The following PRDM16 variants were observed in gnomAD, a reference collection of about 807,000 sequenced individuals.
PRDM16 encodes the protein PR/SET domain 16, also known as histone-lysine N-methyltransferase PRDM16.
A neutral mutation model predicts 110.6 loss-of-function variants in PRDM16; 23 were observed. The ratio of observed to expected loss-of-function variants is 0.21; its 90% CI spans 0.15 to 0.29. The LOEUF (loss-of-function observed/expected upper bound fraction) is 0.29. PRDM16 is among the 10% of genes least tolerant of loss of function. The pLI is 1.00. For synonymous variants in PRDM16, 799 were observed against 781.8 expected, an observed-to-expected ratio of 1.02 and a Z score of -0.37; for missense variants, 1,615 against 1,794.3, an observed-to-expected ratio of 0.90 and a Z score of 1.81.
Position 3,434,600 on chromosome 1 carries a change from G to C in PRDM16, c.*789G>C, listed in dbSNP as rs114972083. The C allele has an allele frequency of 1.3e-5, 3 of 232,094 alleles. No individual in the cohort carries two copies. The highest frequency in any genetic ancestry group is 2.6e-5 in the Non-Finnish European group (3 of 117,370). The allele number at this position is 232,094 out of a possible 1,614,324, so 14.4% of individuals were successfully genotyped here. A position where few individuals can be genotyped will look rare whatever the true frequency, so the allele number is the denominator to read the frequency against. On this transcript the variant is annotated 3_prime_UTR_variant, in exon 17 of 17. Transcript: ENST00000270722. Reference sequence around the variant, plus strand: ...GCAGGGCGCCCTGGGCTGCAGGCCTGCCCGAGGCTGGGATGGGAAGTGTGC... The same window carrying C: ...GCAGGGCGCCCTGGGCTGCAGGCCTCCCCGAGGCTGGGATGGGAAGTGTGC...
At chr1:3,177,608 C>T (rs1263861155) in intron 1 of PRDM16, among the ~76,000 whole-genome samples, 1 of 152,148 alleles carries the variant, frequency 6.6e-6, no homozygotes, top group African/African-American at 2.4e-5. Context: ...TATCAGCAGC[C>T]GGCCAGTCCC....
chr1:3,080,063 G>A lies in PRDM16; in HGVS notation c.37+10767G>A, dbSNP rs1469290786. Among the ~76,000 whole-genome samples, 7 of 152,180 alleles carry A rather than the reference G, an allele frequency of 4.6e-5. No individual in the cohort carries two copies. Among genetic ancestry groups the A allele is most frequent in the Non-Finnish European group, 5.9e-5 (4 of 68,026 alleles). On this transcript the variant is annotated intron_variant, in intron 1 of 16. Transcript: ENST00000270722. The surrounding 1 kb of genome is among the most constrained non-coding windows in gnomAD (Gnocchi z 5.2). ...TGGAAAAGTTCAAAGGTGGAGAGGC[G>A]GCAGCGATCTGGAGCACTTTTCCGC...
At chr1:3,106,399 C>T (rs1354999750) in intron 1 of PRDM16, among the ~76,000 whole-genome samples, 1 of 152,126 alleles carries the variant, frequency 6.6e-6, no homozygotes, top group African/African-American at 2.4e-5. Flanking sequence ...TGGGTGGTGG[C>T]CCCACTGGGG....
At chr1:3,197,275 C>T (rs1249245802) in intron 2 of PRDM16, among the ~76,000 whole-genome samples, 2 of 152,186 alleles carry the variant, frequency 1.3e-5, no homozygotes, top group African/African-American at 4.8e-5. Flanking sequence ...GACCCCCAGG[C>T]GGGCCCTTTC....
In PRDM16 at chr1:3,162,397, G is replaced by A. The variant is rs72630967; in HGVS notation, c.38-23728G>A. 3.8e-3 allele frequency among the ~76,000 whole-genome samples: 572 copies of A among 152,300 alleles called. 2 individuals carry two copies. Among genetic ancestry groups the A allele is most frequent in the Non-Finnish European group, 6.4e-3 (437 of 68,032 alleles). On this transcript the variant is annotated intron_variant, in intron 1 of 16. Transcript: ENST00000270722. ...CACTTTCTTTCCCTGTGGATAGGCCGGCTTGTGTGTTGAAGATGGAAAAGC... is the reference window on the plus strand; with the variant it reads ...CACTTTCTTTCCCTGTGGATAGGCCAGCTTGTGTGTTGAAGATGGAAAAGC...
chr1:3,338,796 C>T (rs1179739264), intron 3 of PRDM16, among the ~76,000 whole-genome samples: 1 of 152,232 alleles, frequency 6.6e-6, no homozygotes, highest in Non-Finnish European at 1.5e-5. Context: ...CCTCTCTGGG[C>T]AGGACACACT....
chr1:3,116,397 G>T (rs375825772), intron 1 of PRDM16, among the ~76,000 whole-genome samples: 2 of 152,274 alleles, frequency 1.3e-5, no homozygotes, highest in African/African-American at 4.8e-5. Context: ...GGGTGGCCTG[G>T]AGACGTGGCA....
At chr1:3,187,207 A>G (rs1644280101) in intron 2 of PRDM16, among the ~76,000 whole-genome samples, 1 of 152,124 alleles carries the variant, frequency 6.6e-6, no homozygotes, top group African/African-American at 2.4e-5. Flanking sequence ...AGGGGGACTA[A>G]CAGCCCCACC....
chr1:3,221,112 G>A (rs772443404), intron 2 of PRDM16, among the ~76,000 whole-genome samples: 8 of 152,224 alleles, frequency 5.3e-5, no homozygotes, highest in East Asian at 1.9e-4. Flanking sequence ...TGGCCATGCC[G>A]ACACTGGCTT....
intron 2 of PRDM16, among the ~76,000 whole-genome samples, chr1:3,226,840 A>T (rs1247498451): frequency 6.6e-6 from 1 of 152,186 alleles, no homozygotes; most frequent in Admixed American, 6.5e-5. Flanking sequence ...ATCTCCGAGC[A>T]CTTCTCCTAA....
intron 8 of PRDM16, among the ~76,000 whole-genome samples, chr1:3,408,201 A>C (rs766982976): frequency 9.2e-5 from 14 of 152,194 alleles, no homozygotes; most frequent in Non-Finnish European, 2.1e-4. Context: ...GCTGGGTGAC[A>C]CACCCATGGC....
At position 3,333,072 on chromosome 1, in the gene PRDM16, T is replaced by C. The variant is rs1642076446; in HGVS notation, c.439-52080T>C. Among the ~76,000 whole-genome samples the C allele has an allele frequency of 2.0e-5, 3 of 152,238 alleles. No homozygotes were observed. In the South Asian group the frequency reaches 6.2e-4, roughly 31 times the overall value. On this transcript the variant is annotated intron_variant, in intron 3 of 16. Coordinates refer to ENST00000270722, the MANE Select transcript of PRDM16 (RefSeq NM_022114.4). ...AGTGTGCCTGTTTTTGTCTGAACAC[T>C]GCTTTCAGCTCTCTTGGGTCTATAT...
intron 3 of PRDM16, among the ~76,000 whole-genome samples, chr1:3,275,917 G>A (rs1300936354): frequency 6.6e-6 from 1 of 152,224 alleles, no homozygotes. Flanking sequence ...TTGCGGCCAA[G>A]ACCATGTTTC....
chr1:3,220,534 C>T (rs1639128497), intron 2 of PRDM16, among the ~76,000 whole-genome samples: 1 of 152,216 alleles, frequency 6.6e-6, no homozygotes, highest in Non-Finnish European at 1.5e-5. Flanking sequence ...GCAGCCGGCC[C>T]ACCTGGCCTC....
rs370658855 is a variant in PRDM16, at chr1:3,290,199, G to T, written c.438+46062G>T. Among the ~76,000 whole-genome samples the T allele has an allele frequency of 4.5e-3, 684 of 152,360 alleles. 9 individuals carry two copies. Among genetic ancestry groups the T allele is most frequent in the African/African-American group, 0.016 (654 of 41,584 alleles). On this transcript the variant is annotated intron_variant, in intron 3 of 16. Transcript: ENST00000270722. The surrounding 1 kb of genome is among the most constrained non-coding windows in gnomAD (Gnocchi z 4.8). The stretch of plus-strand genomic sequence containing the variant: ...ACTCCAAGGCTGGCCCGGCACAGGG[G>T]CTCCCCTTGAGGTGGGCAGGTTTCC...
Position 3,418,035 on chromosome 1 carries a change from G to A in PRDM16, c.2861+38G>A, listed in dbSNP as rs192750605. 776 of 1,564,790 alleles carry A rather than the reference G, an allele frequency of 5.0e-4. No homozygotes were observed. In the African/African-American group the frequency reaches 5.7e-3, roughly 11 times the overall value. The stretch of plus-strand genomic sequence containing the variant: ...TTGGTGCTGCTGGGACAGCCCTGGC[G>A]GGGCTCGAGTGCCACACCTGTGGCT... On this transcript the variant is annotated intron_variant, in intron 11 of 16. Transcript: ENST00000270722.
At chr1:3,232,029 C>T (rs74421929) in intron 2 of PRDM16, among the ~76,000 whole-genome samples, 5,606 of 152,282 alleles carry the variant, frequency 0.037, 266 homozygotes, top group African/African-American at 0.1. Context: ...TGTTTGGTGA[C>T]GCTCTGCCTC....
intron 1 of PRDM16, among the ~76,000 whole-genome samples, chr1:3,180,982 G>T (rs1053073253): frequency 4.0e-4 from 57 of 142,006 alleles, no homozygotes; most frequent in Non-Finnish European, 5.9e-4. Flanking sequence ...TCTTACACAC[G>T]CAGTCTTACA....
At chr1:3,393,558 G>A (rs979109638) in intron 4 of PRDM16, among the ~76,000 whole-genome samples, 5 of 152,188 alleles carry the variant, frequency 3.3e-5, no homozygotes, top group African/African-American at 1.2e-4. Flanking sequence ...TGACGCTCTC[G>A]AGCCAGGAGC....
Sources: allele counts gnomAD v4.1 joint callset (sites outside exome capture counted in the v4.1 genomes callset), GRCh38; gene constraint gnomAD v4.1.1; non-coding constraint Gnocchi (gnomAD v3.1); transcripts MANE v1.5; gene names NCBI Gene and HGNC (gene_info 2026-07-23, HGNC 2026-07-21).